The following RGS5 variants were observed in gnomAD, a reference collection of about 807,000 sequenced individuals.
RGS5 encodes the protein regulator of G protein signaling 5.
RGS5 carries 20 observed loss-of-function variants against 18.9 expected under a neutral mutation model. That is an observed-to-expected ratio of 1.06 (90% CI 0.74 to 1.54). The LOEUF is 1.54. RGS5 is among the 40% of genes most tolerant of loss of function. The pLI is 0.00. For missense variants in RGS5, 201 were observed against 211.8 expected, an observed-to-expected ratio of 0.95 and a Z score of 0.32; for synonymous variants, 57 against 76.2, an observed-to-expected ratio of 0.75 and a Z score of 1.31.
At chr1:163,229,381 C>G (rs577140034) in intron 2 of RGS5, among the ~76,000 whole-genome samples, 8 of 152,206 alleles carry the variant, frequency 5.3e-5, no homozygotes, top group Admixed American at 4.6e-4. Flanking sequence ...GGAAGCCTCC[C>G]CTGTGATCCA....
chr1:163,200,852 T>C (rs1421916297), intron 1 of RGS5, among the ~76,000 whole-genome samples: 1 of 152,188 alleles, frequency 6.6e-6, no homozygotes, highest in Non-Finnish European at 1.5e-5. Flanking sequence ...CATAAGAATT[T>C]ACTGTGCATC....
upstream of RGS5, among the ~76,000 whole-genome samples, chr1:163,207,905 AAAAG>A (rs1659987629): frequency 6.6e-6 from 1 of 152,170 alleles, no homozygotes; most frequent in Admixed American, 6.5e-5. Flanking sequence ...ATACCAAAAA[AAAAG>A]AAAGATTAAA....
intron 1 of RGS5, among the ~76,000 whole-genome samples, chr1:163,311,839 CA>C (rs1649872202): frequency 1.3e-5 from 2 of 152,188 alleles, no homozygotes; most frequent in South Asian, 4.1e-4. Flanking sequence ...ACAAATTGAG[CA>C]CATGCCACTG....
chr1:163,180,303 C>T (rs1658757084), intron 1 of RGS5, among the ~76,000 whole-genome samples: 4 of 152,224 alleles, frequency 2.6e-5, no homozygotes, highest in African/African-American at 9.6e-5. Context: ...TGTGTCCTTG[C>T]TTCTTCATAC....
chr1:163,309,370 T>C (rs546707658), intron 1 of RGS5, among the ~76,000 whole-genome samples: 130 of 152,368 alleles, frequency 8.5e-4, no homozygotes, highest in Non-Finnish European at 1.7e-3. Flanking sequence ...TCTTACAAAA[T>C]TGGAGTCAGT....
intron 2 of RGS5, among the ~76,000 whole-genome samples, chr1:163,265,909 T>G: frequency 6.6e-6 from 1 of 152,152 alleles, no homozygotes; most frequent in East Asian, 1.9e-4. Context: ...ACTCACTTAT[T>G]TTTATTCTTT....
intron 1 of RGS5, among the ~76,000 whole-genome samples, chr1:163,312,113 A>T (rs1386083294): frequency 6.6e-6 from 1 of 152,170 alleles, no homozygotes; most frequent in Non-Finnish European, 1.5e-5. Context: ...GGTTTCCTCC[A>T]TGCTGTTCTC....
chr1:163,177,460 G>T (rs766316182), intron 1 of RGS5, among the ~76,000 whole-genome samples: 6 of 152,250 alleles, frequency 3.9e-5, no homozygotes, highest in Middle Eastern at 3.4e-3. Flanking sequence ...CAAAAAGTAT[G>T]GCACAGTTGG....
intron 2 of RGS5, among the ~76,000 whole-genome samples, chr1:163,302,703 G>C (rs1460242219): frequency 1.3e-5 from 2 of 152,058 alleles, no homozygotes; most frequent in East Asian, 3.8e-4. Flanking sequence ...CAAATGACTA[G>C]CTGTCCTCTC....
intron 1 of RGS5, among the ~76,000 whole-genome samples, chr1:163,185,209 C>T (rs1266820091): frequency 6.6e-6 from 1 of 152,072 alleles, no homozygotes; most frequent in Admixed American, 6.6e-5. Flanking sequence ...TTTATTTACA[C>T]ACACACACAC....
intron 2 of RGS5, among the ~76,000 whole-genome samples, chr1:163,234,361 C>G (rs1647565354): frequency 6.6e-6 from 1 of 152,152 alleles, no homozygotes. Context: ...CACAGTACCA[C>G]TTGGTACTGA....
intron 1 of RGS5, among the ~76,000 whole-genome samples, chr1:163,197,606 A>T (rs963419227): frequency 2.0e-5 from 3 of 152,272 alleles, no homozygotes; most frequent in African/African-American, 7.2e-5. Flanking sequence ...AATCTAGAGA[A>T]ATCACTGATA....
intron 2 of RGS5, chr1:163,244,812 A>C (rs1647885248): frequency 6.6e-6 from 1 of 152,232 alleles, no homozygotes; most frequent in Admixed American, 6.5e-5. Context: ...GAAAGCCATC[A>C]TTATAGAAAC....
chr1:163,246,043 G>A lies in RGS5; in HGVS notation c.-281+60190C>T, dbSNP rs538116502. Among the ~76,000 whole-genome samples the A allele has an allele frequency of 1.6e-4, 24 of 148,498 alleles. No individual in the cohort carries two copies. In the South Asian group the frequency reaches 4.3e-3, roughly 27 times the overall value. On this transcript the variant is annotated intron_variant, in intron 2 of 5. Transcript: ENST00000618415. ...ATCCTGGCTAACACAGTGAAACCCC[G>A]TCTCTACTAAAAAAATACAAAAAAT...
chr1:163,303,320 C>T (rs10799909), intron 2 of RGS5, among the ~76,000 whole-genome samples: 63,319 of 151,980 alleles, frequency 0.42, 13,676 homozygotes, highest in South Asian at 0.5. Flanking sequence ...TCTGCAACTA[C>T]GGTATCATTA....
chr1:163,320,808 C>T (rs534284415), intron 1 of RGS5, among the ~76,000 whole-genome samples: 8 of 152,182 alleles, frequency 5.3e-5, no homozygotes, highest in Non-Finnish European at 7.3e-5. Context: ...GTATAGACTT[C>T]ACTATCAATA....
At chr1:163,303,772 G>C (rs1189221955) in intron 2 of RGS5, among the ~76,000 whole-genome samples, 1 of 152,122 alleles carries the variant, frequency 6.6e-6, no homozygotes, top group Non-Finnish European at 1.5e-5. Context: ...ACCTGCCTGA[G>C]CTCCATCTCC....
At chr1:163,148,582 T>C (rs1657249469) in intron 4 of RGS5, among the ~76,000 whole-genome samples, 1 of 152,134 alleles carries the variant, frequency 6.6e-6, no homozygotes, top group African/African-American at 2.4e-5. Flanking sequence ...CAAAGTTCAT[T>C]AATGGTAGAG....
intron 2 of RGS5, among the ~76,000 whole-genome samples, chr1:163,243,643 CAA>C (rs3069033): frequency 1.5e-4 from 8 of 55,104 alleles, no homozygotes; most frequent in African/African-American, 4.4e-4. Context: ...GACTCCGTCT[CAA>C]AAAAAAAAAA....
Sources: gnomAD v4.1 joint callset for allele counts (sites outside exome capture counted in the v4.1 genomes callset) on GRCh38, gnomAD v4.1.1 for gene constraint, MANE v1.5 for transcripts, NCBI Gene and HGNC (gene_info 2026-07-23, HGNC 2026-07-21) for gene names.